Variants in MPDZ observed in about 807,000 individuals in gnomAD.
MPDZ encodes multiple PDZ domain protein.
A neutral mutation model predicts 239.1 loss-of-function variants in MPDZ; 234 were observed. The ratio of observed to expected loss-of-function variants is 0.98; its 90% CI spans 0.88 to 1.09. MPDZ has a LOEUF of 1.09. MPDZ is among the 50% of genes least tolerant of loss of function. MPDZ has a pLI of 0.00. For missense variants in MPDZ, 3,175 were observed against 2,510.0 expected, an observed-to-expected ratio of 1.26 and a Z score of -5.66; for synonymous variants, 1,048 against 881.3, an observed-to-expected ratio of 1.19 and a Z score of -3.35.
At chr9:13,125,461 A>G in intron 34 of MPDZ, 71 bp from the exon 35 acceptor site, 1 of 1,357,094 alleles carries the variant, frequency 7.4e-7, no homozygotes, top group Non-Finnish European at 1.0e-6. Context: ...ATGAGTCACC[A>G]TTATCAATGG....
chr9:13,263,156 C>A (rs1971061917), intron 1 of MPDZ, among the ~76,000 whole-genome samples: 2 of 151,980 alleles, frequency 1.3e-5, no homozygotes, highest in African/African-American at 2.4e-5. Context: ...AGGAAAGGGA[C>A]AAGGGAAATG....
chr9:13,123,289 C>A lies in MPDZ; in HGVS notation c.4817G>T (p.Arg1606Ile). The change falls in exon 36 of 47, where the codon AGA (arginine) becomes ATA (isoleucine). Residue 1606 changes from arginine (R) to isoleucine (I), a missense_variant. Arg to Ile is a moderately conservative substitution (Grantham distance 97). Transcript: ENST00000319217. ...AGCAAAAATTGCTGGTGTTGATGAT[C>A]TGCTTGTATCTAAAAATAAGTTAAA... is the stretch of plus-strand genomic sequence containing the variant. ...PEPESIRNTS[R>I]SSTPAIFASD... 6.2e-7 allele frequency: 1 copy of A among 1,607,356 alleles called. No homozygotes were observed. The highest frequency in any genetic ancestry group is 8.5e-7 in the Non-Finnish European group (1 of 1,176,752).
chr9:13,242,888 T>G (rs755633362), intron 3 of MPDZ, among the ~76,000 whole-genome samples: 6 of 152,188 alleles, frequency 3.9e-5, no homozygotes, highest in Non-Finnish European at 8.8e-5. Flanking sequence ...CCATTACCTG[T>G]CAGTAGCAGC....
At chr9:13,240,579 G>GAAAAAAAAAAAAAAA (rs1965149632) in intron 3 of MPDZ, among the ~76,000 whole-genome samples, 1 of 5,722 alleles carries the variant, frequency 1.7e-4, no homozygotes, top group Non-Finnish European at 5.4e-4. Context: ...CATAATAAAA[G>GAAAAAAAAAAAAAAA]TAAAAAAAAA....
intron 3 of MPDZ, among the ~76,000 whole-genome samples, chr9:13,227,162 T>C (rs774453627): frequency 1.3e-5 from 2 of 152,124 alleles, no homozygotes; most frequent in Non-Finnish European, 1.5e-5. Flanking sequence ...AAGAGTTTGT[T>C]ACCTATCCTT....
intron 1 of MPDZ, among the ~76,000 whole-genome samples, chr9:13,273,038 T>C (rs1404263225): frequency 3.9e-5 from 6 of 152,016 alleles, no homozygotes; most frequent in Admixed American, 2.6e-4. Flanking sequence ...CCTTATAAAA[T>C]AGGTACCAGA....
intron 8 of MPDZ, among the ~76,000 whole-genome samples, chr9:13,218,037 T>C (rs1286260875): frequency 1.3e-5 from 2 of 151,838 alleles, no homozygotes; most frequent in Non-Finnish European, 2.9e-5. Context: ...CAGCAGATCC[T>C]ACAGAGAACC....
At chr9:13,128,076 C>A (rs184777744) in intron 32 of MPDZ, among the ~76,000 whole-genome samples, 1 of 152,096 alleles carries the variant, frequency 6.6e-6, no homozygotes, top group Non-Finnish European at 1.5e-5. Flanking sequence ...CCCACCCACT[C>A]CTCTCTCTCC....
intron 39 of MPDZ, 142 bp downstream of exon 39, chr9:13,119,360 T>C (rs759172757): frequency 5.1e-6 from 5 of 986,292 alleles, no homozygotes; most frequent in Non-Finnish European, 7.2e-6. Flanking sequence ...GCTGGGATTA[T>C]AGGCGTGAGC....
chr9:13,132,826 T>C (rs10756454), intron 32 of MPDZ, among the ~76,000 whole-genome samples: 2 of 151,992 alleles, frequency 1.3e-5, no homozygotes, highest in East Asian at 3.9e-4. Context: ...GAGTGGCAAA[T>C]CTAGGTCTCT....
Position 13,150,560 on chromosome 9 carries a change from C to T in MPDZ, c.3581G>A (p.Ser1194Asn). Residue 1194 changes from serine (S) to asparagine (N), a missense_variant, in exon 25 of 47, where the codon AGT becomes AAT. By Grantham distance (46) the Ser-to-Asn change is conservative. Coordinates refer to ENST00000319217, the MANE Select transcript of MPDZ (RefSeq NM_001378778.1). ...GIFIKHVLED[S>N]PAGKNGTLKP... is the part of the protein sequence containing the mutation. Reference sequence around the variant, plus strand: ...CAAGGTTCCATTTTTGCCAGCTGGACTATCTTCCAGAACATGTTTGATGAA... The same window carrying T: ...CAAGGTTCCATTTTTGCCAGCTGGATTATCTTCCAGAACATGTTTGATGAA... The T allele has an allele frequency of 1.3e-6, 2 of 1,575,042 alleles. No homozygotes were observed. The highest frequency in any genetic ancestry group is 1.7e-4 in the Middle Eastern group (1 of 5,916).
intron 3 of MPDZ, among the ~76,000 whole-genome samples, chr9:13,244,835 T>C (rs552559578): frequency 4.6e-5 from 7 of 152,294 alleles, no homozygotes; most frequent in African/African-American, 1.7e-4. Context: ...CTGTCATTAA[T>C]ACAACAATAT....
intron 23 of MPDZ, among the ~76,000 whole-genome samples, chr9:13,160,931 T>C (rs1950409630): frequency 7.0e-6 from 1 of 142,756 alleles, no homozygotes; most frequent in Admixed American, 7.3e-5. Context: ...TAGAGATGAT[T>C]TAAACTATAT....
intron 37 of MPDZ, 38 bp from the exon 38 acceptor site, chr9:13,121,970 G>C (rs775262752): frequency 6.2e-7 from 1 of 1,603,368 alleles, no homozygotes; most frequent in Non-Finnish European, 8.5e-7. Context: ...AGGAACATGA[G>C]AAGTAAAGGA....
rs1951347617 is a variant in MPDZ, at chr9:13,168,358, A to C, written c.3254+8T>G. Reference sequence around the variant, plus strand: ...CCCAAGTTAAACTGGGCTTCAAATGATACTTACTTTATGTCAGGGCCAATG... The same window carrying C: ...CCCAAGTTAAACTGGGCTTCAAATGCTACTTACTTTATGTCAGGGCCAATG... On this transcript the variant is annotated splice_region_variant and intron_variant, in intron 22 of 46. Transcript: ENST00000319217. The C allele has an allele frequency of 4.3e-6, 7 of 1,609,254 alleles. No homozygotes were observed. The highest frequency in any genetic ancestry group is 5.9e-6 in the Non-Finnish European group (7 of 1,177,580).
rs1284045208 is a variant in MPDZ at position 13,136,741 on chromosome 9, G to A, written c.4263C>T (p.Ala1421=). ...TAAAAATTATTTTCACTTTAGAAGG[G>A]GCACATTTAATGATTGATGAGGCAT... is the stretch of plus-strand genomic sequence containing the variant. ...HQNASSIIKC[A]PSKVKIIFIR... is the part of the protein sequence containing the mutation. The change falls in exon 30 of 47, where the codon GCC becomes GCT. Residue 1421 remains alanine, a synonymous_variant. Coordinates refer to ENST00000319217, the MANE Select transcript of MPDZ (RefSeq NM_001378778.1). The A allele has an allele frequency of 1.9e-6, 3 of 1,598,844 alleles. No individual in the cohort carries two copies. The highest frequency in any genetic ancestry group is 2.6e-6 in the Non-Finnish European group (3 of 1,170,780).
At chr9:13,196,817 T>G (rs1187815701) in intron 12 of MPDZ, among the ~76,000 whole-genome samples, 17 of 152,046 alleles carry the variant, frequency 1.1e-4, no homozygotes, top group Admixed American at 1.1e-3. Flanking sequence ...ACAAATTTTG[T>G]AAACAATACT....
chr9:13,275,375 CCAT>C (rs1485330901), intron 1 of MPDZ, among the ~76,000 whole-genome samples: 1 of 152,186 alleles, frequency 6.6e-6, no homozygotes, highest in Non-Finnish European at 1.5e-5. Context: ...GAGAACTCAG[CCAT>C]CTACAAGCCA....
intron 24 of MPDZ, among the ~76,000 whole-genome samples, chr9:13,153,339 A>T (rs1296262731): frequency 6.6e-6 from 1 of 152,110 alleles, no homozygotes; most frequent in Non-Finnish European, 1.5e-5. Context: ...ATCTTATAAA[A>T]TTTTTGTGAA....
Sources: gnomAD v4.1 joint callset for allele counts (sites outside exome capture counted in the v4.1 genomes callset) on GRCh38, gnomAD v4.1.1 for gene constraint, MANE v1.5 for transcripts, NCBI Gene and HGNC (gene_info 2026-07-23, HGNC 2026-07-21) for gene names.